The following TRIM44 variants were observed in gnomAD, a reference collection of about 807,000 sequenced individuals.
TRIM44 encodes tripartite motif containing 44.
Under a neutral mutation model 37.4 loss-of-function variants are expected in TRIM44, and 13 were observed. The ratio of observed to expected loss-of-function variants is 0.35; its 90% CI spans 0.23 to 0.55. The LOEUF (loss-of-function observed/expected upper bound fraction) is 0.55. TRIM44 is among the 20% of genes least tolerant of loss of function. TRIM44 has a pLI of 0.89. For synonymous variants in TRIM44, 175 were observed against 157.2 expected, an observed-to-expected ratio of 1.11 and a Z score of -0.85; for missense variants, 426 against 437.2, an observed-to-expected ratio of 0.97 and a Z score of 0.23.
At chr11:35,757,417 T>C (rs149820878) in intron 4 of TRIM44, among the ~76,000 whole-genome samples, 195 of 152,314 alleles carry the variant, frequency 1.3e-3, no homozygotes, top group African/African-American at 4.2e-3. Context: ...TTGCTAGCAG[T>C]CTATCAATTT....
intron 4 of TRIM44, among the ~76,000 whole-genome samples, chr11:35,753,205 G>C (rs188628348): frequency 3.3e-5 from 5 of 151,536 alleles, no homozygotes; most frequent in African/African-American, 7.3e-5. Context: ...GATACAATTG[G>C]GGGGGGAGTT....
chr11:35,771,324 C>G (rs1434540534), intron 4 of TRIM44, among the ~76,000 whole-genome samples: 1 of 152,104 alleles, frequency 6.6e-6, no homozygotes, highest in African/African-American at 2.4e-5. Flanking sequence ...TGCCCCTGCC[C>G]TAGAAATTTT....
chr11:35,762,877 G>A (rs1314625604), intron 4 of TRIM44, among the ~76,000 whole-genome samples: 1 of 151,950 alleles, frequency 6.6e-6, no homozygotes, highest in Non-Finnish European at 1.5e-5. Context: ...TTTCTCATCT[G>A]CAAAATGGAG....
intron 4 of TRIM44, among the ~76,000 whole-genome samples, chr11:35,750,415 C>T (rs1365396658): frequency 1.3e-5 from 2 of 152,176 alleles, no homozygotes; most frequent in Admixed American, 1.3e-4. Context: ...TTAGACTAAA[C>T]ACTATTTTAG....
chr11:35,795,382 C>T (rs576944387), intron 4 of TRIM44, among the ~76,000 whole-genome samples: 2 of 151,856 alleles, frequency 1.3e-5, no homozygotes, highest in Non-Finnish European at 2.9e-5. Flanking sequence ...AGTCAAGAAG[C>T]AACTCCAATA....
In TRIM44 at chr11:35,806,946, G is replaced by C. The variant is rs1277738899; in HGVS notation, c.*561G>C. On this transcript the variant is annotated 3_prime_UTR_variant, in exon 5 of 5. Transcript: ENST00000299413. ...TGACTGGAAAAAGGTGTTGGAGAAA[G>C]AGTTAAAGATGAGGAAGAGATATTT... is the stretch of plus-strand genomic sequence containing the variant. 2 of 152,508 alleles carry C rather than the reference G, an allele frequency of 1.3e-5. No homozygotes were observed. The highest frequency in any genetic ancestry group is 2.9e-5 in the Non-Finnish European group (2 of 68,344). 9.4% of individuals were successfully genotyped at this position (152,508 alleles called of 1,614,324 possible). A position where few individuals can be genotyped will look rare whatever the true frequency, so the allele number is the denominator to read the frequency against.
chr11:35,737,129 G>A (rs945590156), intron 4 of TRIM44, among the ~76,000 whole-genome samples: 3 of 152,178 alleles, frequency 2.0e-5, no homozygotes, highest in Non-Finnish European at 2.9e-5. Flanking sequence ...ACAGAGATCT[G>A]AAAGGTTGGA....
At chr11:35,752,769 A>G (rs1460502417) in intron 4 of TRIM44, among the ~76,000 whole-genome samples, 1 of 152,146 alleles carries the variant, frequency 6.6e-6, no homozygotes. Context: ...CTCTGCAGGA[A>G]TGCTCGTCCC....
intron 4 of TRIM44, among the ~76,000 whole-genome samples, chr11:35,742,481 A>G (rs1176359301): frequency 7.4e-6 from 1 of 135,834 alleles, no homozygotes; most frequent in East Asian, 2.0e-4. Flanking sequence ...TAATTATATT[A>G]ATTGTATTAT....
chr11:35,779,868 T>C (rs1449315330), intron 4 of TRIM44, among the ~76,000 whole-genome samples: 1 of 131,386 alleles, frequency 7.6e-6, no homozygotes, highest in Non-Finnish European at 1.6e-5. Flanking sequence ...CTTTCCCCTT[T>C]GCCTATTTTT....
chr11:35,693,257 G>A (rs1429865342), intron 2 of TRIM44, among the ~76,000 whole-genome samples: 1 of 152,016 alleles, frequency 6.6e-6, no homozygotes, highest in Non-Finnish European at 1.5e-5. Context: ...ATAGAAGTAC[G>A]GAGTCCTTCT....
At position 35,771,266 on chromosome 11, in the gene TRIM44, C is replaced by T. The variant is rs139616678; in HGVS notation, c.1008-35092C>T. Among the ~76,000 whole-genome samples the T allele has an allele frequency of 9.1e-3, 1,385 of 152,222 alleles. 10 individuals are homozygous for T. The highest frequency in any genetic ancestry group is 0.013 in the Admixed American group (200 of 15,294). ...AGATGAGGAAGTTGTTGGAAACTGG[C>T]GCAAAGGTGACTCTTGTTATGTTTT... On this transcript the variant is annotated intron_variant, in intron 4 of 4. Transcript: ENST00000299413.
chr11:35,757,786 A>G (rs968335862), intron 4 of TRIM44, among the ~76,000 whole-genome samples: 3 of 152,172 alleles, frequency 2.0e-5, no homozygotes, highest in African/African-American at 7.2e-5. Context: ...CAGGTTGTTC[A>G]GTTTCCATGT....
intron 4 of TRIM44, among the ~76,000 whole-genome samples, chr11:35,790,294 A>C: frequency 6.6e-6 from 1 of 152,202 alleles, no homozygotes; most frequent in East Asian, 1.9e-4. Flanking sequence ...TTCTAAGTGC[A>C]ACACCTTAGA....
rs374397976 is a variant in TRIM44, at chr11:35,704,405, A to C, written c.747+19069A>C. Among the ~76,000 whole-genome samples, 43 of 152,338 alleles carry C rather than the reference A, an allele frequency of 2.8e-4. No individual in the cohort carries two copies. In the East Asian group the frequency reaches 2.9e-3, roughly 10 times the overall value. ...GCCAACATTCAGATTCAGGAAATAC[A>C]GGGAACGCCACAAAGATACTCCTCG... On this transcript the variant is annotated intron_variant, in intron 2 of 4. Coordinates refer to ENST00000299413, the MANE Select transcript of TRIM44 (RefSeq NM_017583.6).
At chr11:35,678,881 T>C (rs1735993661) in intron 1 of TRIM44, among the ~76,000 whole-genome samples, 1 of 152,188 alleles carries the variant, frequency 6.6e-6, no homozygotes, top group African/African-American at 2.4e-5. Flanking sequence ...ATTACAGGTA[T>C]GAGTCACTGC....
chr11:35,797,729 C>T (rs1390362546), intron 4 of TRIM44, among the ~76,000 whole-genome samples: 1 of 152,120 alleles, frequency 6.6e-6, no homozygotes, highest in Non-Finnish European at 1.5e-5. Context: ...CCGTCCTCAC[C>T]ATCACAAACA....
At chr11:35,688,746 T>C (rs769451216) in intron 2 of TRIM44, among the ~76,000 whole-genome samples, 5 of 152,234 alleles carry the variant, frequency 3.3e-5, no homozygotes, top group African/African-American at 7.2e-5. Context: ...TATTAAAATA[T>C]AGAGTGCTGT....
intron 1 of TRIM44, among the ~76,000 whole-genome samples, chr11:35,673,342 T>C (rs1295773297): frequency 2.0e-5 from 3 of 152,162 alleles, no homozygotes; most frequent in Non-Finnish European, 4.4e-5. Context: ...TGCTACTGTA[T>C]AGAGTCCAGT....
Sources: gnomAD v4.1 joint callset for allele counts (sites outside exome capture counted in the v4.1 genomes callset) on GRCh38, gnomAD v4.1.1 for gene constraint, MANE v1.5 for transcripts, NCBI Gene and HGNC (gene_info 2026-07-23, HGNC 2026-07-21) for gene names.